GOLPH3: variants seen among roughly 807,000 people sequenced by gnomAD.
The protein encoded by GOLPH3 is coat protein GPP34.
A neutral mutation model predicts 28.5 loss-of-function variants in GOLPH3; 14 were observed. The ratio of observed to expected loss-of-function variants is 0.49; its 90% CI spans 0.32 to 0.77. GOLPH3 has a LOEUF of 0.77. GOLPH3 is among the 30% of genes least tolerant of loss of function. The pLI is 0.03. For missense variants in GOLPH3, 350 were observed against 393.7 expected (o/e 0.89, Z 0.94); for synonymous variants, 158 against 159.2 (o/e 0.99, Z 0.06).
intron 1 of GOLPH3, among the ~76,000 whole-genome samples, chr5:32,155,773 C>A (rs967362076): frequency 7.1e-6 from 1 of 140,294 alleles, no homozygotes; most frequent in Admixed American, 7.7e-5. Context: ...GCCTGACCAA[C>A]ATGGAGAAAC....
At chr5:32,154,614 T>C (rs1214112995) in intron 1 of GOLPH3, among the ~76,000 whole-genome samples, 1 of 152,190 alleles carries the variant, frequency 6.6e-6, no homozygotes, top group Non-Finnish European at 1.5e-5. Context: ...CTCTCAAATG[T>C]TTCCTGAATT....
intron 1 of GOLPH3, among the ~76,000 whole-genome samples, chr5:32,155,141 T>C (rs995228913): frequency 6.6e-6 from 1 of 151,690 alleles, no homozygotes; most frequent in African/African-American, 2.4e-5. Context: ...ATTATGGTGA[T>C]GGATACACAA....
intron 2 of GOLPH3, among the ~76,000 whole-genome samples, chr5:32,141,727 G>A (rs1211878590): frequency 2.0e-5 from 3 of 152,156 alleles, no homozygotes; most frequent in Non-Finnish European, 4.4e-5. Flanking sequence ...TCAGCTAGCC[G>A]AGTGCCTGCG....
At chr5:32,163,830 A>G (rs1344621805) in intron 1 of GOLPH3, among the ~76,000 whole-genome samples, 2 of 152,152 alleles carry the variant, frequency 1.3e-5, no homozygotes, top group Admixed American at 6.5e-5. Context: ...TAAATGGTAT[A>G]CTCCATTCAG....
chr5:32,161,844 G>C (rs1032407450), intron 1 of GOLPH3, among the ~76,000 whole-genome samples: 1 of 150,480 alleles, frequency 6.6e-6, no homozygotes, highest in Non-Finnish European at 1.5e-5. Context: ...TGGCTAACAC[G>C]GTGAGACCCC....
At chr5:32,165,589 GA>G (rs796801595) in intron 1 of GOLPH3, among the ~76,000 whole-genome samples, 26 of 142,414 alleles carry the variant, frequency 1.8e-4, no homozygotes, top group South Asian at 4.4e-4. Context: ...TCTCAGAAGA[GA>G]AAAAAAAAAA....
intron 3 of GOLPH3, among the ~76,000 whole-genome samples, chr5:32,128,073 A>G (rs184001): frequency 0.18 from 27,443 of 152,070 alleles, 5,607 homozygotes; most frequent in African/African-American, 0.5. Context: ...GGGGACCTAC[A>G]CAGATAAAGA....
intron 2 of GOLPH3, among the ~76,000 whole-genome samples, chr5:32,142,671 G>C (rs544289403): frequency 7.0e-6 from 1 of 141,898 alleles, no homozygotes; most frequent in African/African-American, 2.7e-5. Context: ...CCCCAAGCCC[G>C]GCCAGCCGCC....
At chr5:32,137,470 C>A (rs1282110439) in intron 2 of GOLPH3, among the ~76,000 whole-genome samples, 1 of 151,750 alleles carries the variant, frequency 6.6e-6, no homozygotes, top group African/African-American at 2.4e-5. Flanking sequence ...ACCAGCCTGG[C>A]CAACATGGTG....
chr5:32,134,454 C>T (rs960403781), intron 3 of GOLPH3, among the ~76,000 whole-genome samples: 1 of 151,718 alleles, frequency 6.6e-6, no homozygotes, highest in Non-Finnish European at 1.5e-5. Context: ...GGAGATTCAC[C>T]CGCCTCAGCC....
At chr5:32,155,956 C>CAAAAAAAAAAAAAA (rs70961608) in intron 1 of GOLPH3, among the ~76,000 whole-genome samples, 5 of 47,818 alleles carry the variant, frequency 1.0e-4, no homozygotes, top group South Asian at 2.1e-3. Flanking sequence ...AACACTGTCT[C>CAAAAAAAAAAAAAA]AAAAAAAAAA....
At position 32,173,888 on chromosome 5, in the gene GOLPH3, G is replaced by A; in HGVS notation, c.147C>T (p.Asp49=). The A allele has an allele frequency of 2.0e-6, 3 of 1,523,852 alleles. No individual in the cohort carries two copies. Among genetic ancestry groups the A allele is most frequent in the Non-Finnish European group, 2.6e-6 (3 of 1,138,886 alleles). The allele number at this position is 1,523,852 out of a possible 1,614,324, so 94.4% of individuals were successfully genotyped here. The change falls in exon 1 of 4, where the codon GAC becomes GAT. Residue 49 remains aspartate, a synonymous_variant. Coordinates refer to ENST00000265070, the MANE Select transcript of GOLPH3 (RefSeq NM_022130.4). ...TTTCCTTGGAGTCGCCCTTGTCGTC[G>A]TCGTCCTGCTCGTCGCGGCGGCTCT... The part of the protein sequence containing the change: ...DAQSRRDEQD[D]DDKGDSKETR...
chr5:32,135,039 T>C (rs781725265), intron 3 of GOLPH3, among the ~76,000 whole-genome samples: 1 of 152,188 alleles, frequency 6.6e-6, no homozygotes, highest in Non-Finnish European at 1.5e-5. Context: ...TTAGGGGAGA[T>C]TGTGTGATTT....
intron 2 of GOLPH3, among the ~76,000 whole-genome samples, chr5:32,140,639 G>A (rs1186308121): frequency 6.6e-6 from 1 of 151,032 alleles, no homozygotes; most frequent in African/African-American, 2.4e-5. Flanking sequence ...ACTCCAGCCT[G>A]GGTGATAGAG....
intron 2 of GOLPH3, among the ~76,000 whole-genome samples, chr5:32,141,836 G>A (rs1001373940): frequency 3.2e-4 from 49 of 152,056 alleles, no homozygotes; most frequent in Non-Finnish European, 6.3e-4. Context: ...GCTCCTAACC[G>A]CGAGTGATCC....
chr5:32,136,373 C>G (rs1745932067), intron 2 of GOLPH3, among the ~76,000 whole-genome samples: 1 of 151,498 alleles, frequency 6.6e-6, no homozygotes, highest in African/African-American at 2.4e-5. Context: ...CCCAGCTACT[C>G]TGGAGGCTGA....
intron 1 of GOLPH3, among the ~76,000 whole-genome samples, chr5:32,152,465 T>C (rs796381130): frequency 4.4e-5 from 6 of 137,444 alleles, no homozygotes; most frequent in African/African-American, 1.6e-4. Flanking sequence ...CATGAAATCA[T>C]GCTTACCTAT....
chr5:32,129,641 T>C (rs776901720), intron 3 of GOLPH3, among the ~76,000 whole-genome samples: 5 of 152,106 alleles, frequency 3.3e-5, no homozygotes, highest in Non-Finnish European at 7.4e-5. Flanking sequence ...TGACTCTGGT[T>C]TAATGTTATG....
intron 1 of GOLPH3, among the ~76,000 whole-genome samples, chr5:32,164,429 T>G (rs1746659402): frequency 6.6e-6 from 1 of 151,984 alleles, no homozygotes; most frequent in Admixed American, 6.6e-5. Context: ...AGTCTCACTC[T>G]GTTGCCCAGG....
Sources: gnomAD v4.1 joint callset for allele counts (sites outside exome capture counted in the v4.1 genomes callset) on GRCh38, gnomAD v4.1.1 for gene constraint, MANE v1.5 for transcripts, NCBI Gene and HGNC (gene_info 2026-07-23, HGNC 2026-07-21) for gene names.